TMPRSS11E: variants seen among roughly 807,000 people sequenced by gnomAD.
TMPRSS11E encodes transmembrane serine protease 11E, also known as transmembrane protease serine 11E.
TMPRSS11E carries 38 observed loss-of-function variants against 48.1 expected under a neutral mutation model. The observed-to-expected ratio is 0.79, with a 90% CI of 0.61 to 1.04. TMPRSS11E has a LOEUF of 1.04. Ranked by LOEUF, TMPRSS11E falls within the 50% of genes least tolerant of loss-of-function variation. TMPRSS11E has a pLI of 0.00. For synonymous variants in TMPRSS11E, 158 were observed against 171.9 expected (o/e 0.92, Z 0.63); for missense variants, 530 against 510.8 (o/e 1.04, Z -0.36).
chr4:68,468,620 C>T (rs1348036783), intron 3 of TMPRSS11E, among the ~76,000 whole-genome samples: 4 of 152,076 alleles, frequency 2.6e-5, no homozygotes, highest in Admixed American at 2.6e-4. Context: ...TCTTTGGTCT[C>T]TTTCTGAGCA....
In TMPRSS11E at chr4:68,496,871, A is replaced by C. The variant is rs1026864460; in HGVS notation, c.*67A>C. 25 of 1,478,056 alleles carry C rather than the reference A, an allele frequency of 1.7e-5. No homozygotes were observed. The highest frequency in any genetic ancestry group is 2.2e-5 in the Non-Finnish European group (24 of 1,090,286). 91.6% of individuals were successfully genotyped at this position (1,478,056 alleles called of 1,614,324 possible). A position where few individuals can be genotyped will look rare whatever the true frequency, so the allele number is the denominator to read the frequency against. On this transcript the variant is annotated 3_prime_UTR_variant, in exon 10 of 10. Coordinates refer to ENST00000305363, the MANE Select transcript of TMPRSS11E (RefSeq NM_014058.4). ...TTTTGGGTGTGGAGGCCATTTTTAG[A>C]GATACAGAATTGGAGAAGACTTGCA... is the stretch of plus-strand genomic sequence containing the variant.
At chr4:68,490,112 C>G (rs144260565) in intron 9 of TMPRSS11E, among the ~76,000 whole-genome samples, 1 of 152,172 alleles carries the variant, frequency 6.6e-6, no homozygotes, top group Non-Finnish European at 1.5e-5. Flanking sequence ...TCCCCAGGAG[C>G]CTCTCCAGGC....
chr4:68,483,532 G>A (rs1729468508), intron 9 of TMPRSS11E, among the ~76,000 whole-genome samples: 1 of 151,262 alleles, frequency 6.6e-6, no homozygotes, highest in South Asian at 2.2e-4. Context: ...CTGGATATTA[G>A]ACCTTTGTCA....
intron 9 of TMPRSS11E, among the ~76,000 whole-genome samples, chr4:68,486,117 T>C (rs1729544950): frequency 6.6e-6 from 1 of 152,154 alleles, no homozygotes; most frequent in Admixed American, 6.5e-5. Context: ...ATCTTTTATA[T>C]GGATTTTTGT....
chr4:68,460,771 C>A (rs1728766926), intron 1 of TMPRSS11E, among the ~76,000 whole-genome samples: 1 of 152,092 alleles, frequency 6.6e-6, no homozygotes, highest in African/African-American at 2.4e-5. Flanking sequence ...GGGACAGCAA[C>A]TTTACCAATC....
intron 9 of TMPRSS11E, among the ~76,000 whole-genome samples, chr4:68,481,324 A>T (rs1399166729): frequency 1.3e-5 from 2 of 152,156 alleles, no homozygotes; most frequent in Non-Finnish European, 2.9e-5. Flanking sequence ...ATACCCAGTA[A>T]TGGGATTGCT....
Position 68,484,977 on chromosome 4 carries a change from G to C in TMPRSS11E, c.1110+5986G>C, listed in dbSNP as rs532643460. ...CTAATTGCTTTGGTCAAAACTTCCA[G>C]TACTATGTTGAATAACAGTAGTGAG... On this transcript the variant is annotated intron_variant, in intron 9 of 9. Transcript: ENST00000305363. Among the ~76,000 whole-genome samples the C allele has an allele frequency of 2.0e-5, 3 of 152,178 alleles. No individual in the cohort carries two copies. In the East Asian group the frequency reaches 5.8e-4, roughly 29 times the overall value.
rs2109681328 is a variant in TMPRSS11E, at chr4:68,466,770, T to C, written c.258+18T>C. On this transcript the variant is annotated intron_variant, in intron 3 of 9. Coordinates refer to ENST00000305363, the MANE Select transcript of TMPRSS11E (RefSeq NM_014058.4). ...AATCAATGGTAAGCAACTTGTCATC[T>C]ACTTCTAGTGCATTTGCTTTCACTT... is the stretch of plus-strand genomic sequence containing the variant. 1 of 1,613,148 alleles carries C rather than the reference T, an allele frequency of 6.2e-7. No homozygotes were observed.
At chr4:68,447,650 G>T in intron 1 of TMPRSS11E, 127 bp downstream of exon 1, 1 of 728,666 alleles carries the variant, frequency 1.4e-6, no homozygotes, top group Non-Finnish European at 2.2e-6. Flanking sequence ...ACATATTTTT[G>T]AGATTTTACA....
chr4:68,495,913 G>A (rs1729853087), intron 9 of TMPRSS11E, among the ~76,000 whole-genome samples: 1 of 152,084 alleles, frequency 6.6e-6, no homozygotes, highest in Non-Finnish European at 1.5e-5. Flanking sequence ...TTAATGGGTG[G>A]TCAATAATTA....
rs1258670569 is a variant in TMPRSS11E at position 68,471,553 on chromosome 4, T to A, written c.420T>A (p.Leu140=). 21 of 1,611,348 alleles carry A rather than the reference T, an allele frequency of 1.3e-5. No individual in the cohort carries two copies. The highest frequency in any genetic ancestry group is 1.8e-5 in the Non-Finnish European group (21 of 1,178,700). Residue 140 remains leucine (L), a synonymous_variant, in exon 5 of 10, where the codon CTT becomes CTA. Transcript: ENST00000305363. ...AAACTGTAGATAAAATTGTTCAACTTGTTTTACATGAAAAGCTGCAAGATG... is the reference window on the plus strand; with the variant it reads ...AAACTGTAGATAAAATTGTTCAACTAGTTTTACATGAAAAGCTGCAAGATG... ...DPETVDKIVQ[L]VLHEKLQDAV...
intron 9 of TMPRSS11E, among the ~76,000 whole-genome samples, chr4:68,482,058 C>A (rs578203442): frequency 6.6e-6 from 1 of 152,280 alleles, no homozygotes; most frequent in East Asian, 1.9e-4. Flanking sequence ...CAGCATGGTG[C>A]TGGCATCTGC....
At chr4:68,461,128 G>A (rs536180261) in intron 1 of TMPRSS11E, among the ~76,000 whole-genome samples, 9 of 152,092 alleles carry the variant, frequency 5.9e-5, no homozygotes, top group Admixed American at 5.9e-4. Context: ...TGATCCGCCC[G>A]CCTCGGCCTC....
chr4:68,487,254 ATT>A (rs201990198), intron 9 of TMPRSS11E, among the ~76,000 whole-genome samples: 78 of 145,188 alleles, frequency 5.4e-4, no homozygotes, highest in African/African-American at 7.6e-4. Flanking sequence ...GGTGTCAGGA[ATT>A]TTTTTTTTTT....
rs180687656 is a variant in TMPRSS11E at position 68,489,842 on chromosome 4, G to A, written c.1111-6801G>A. Among the ~76,000 whole-genome samples the A allele has an allele frequency of 3.1e-3, 466 of 152,324 alleles. 2 individuals carry two copies. Among genetic ancestry groups the A allele is most frequent in the South Asian group, 0.017 (83 of 4,830 alleles). On this transcript the variant is annotated intron_variant, in intron 9 of 9. Transcript: ENST00000305363. ...AGCAAGAGAGCCCTGTGATGTCCAG[G>A]TCTGTCCATCAACAAAGGCGAAAGC...
intron 9 of TMPRSS11E, among the ~76,000 whole-genome samples, chr4:68,485,477 C>G (rs767469392): frequency 6.6e-6 from 1 of 152,096 alleles, no homozygotes; most frequent in African/African-American, 2.4e-5. Context: ...GTTGAACCAG[C>G]CTTGCATCCT....
chr4:68,494,103 G>A (rs34728672), intron 9 of TMPRSS11E, among the ~76,000 whole-genome samples: 76,658 of 151,808 alleles, frequency 0.5, 21,662 homozygotes, highest in Non-Finnish European at 0.65. Context: ...CTCAGATAAA[G>A]TTTTTATCTG....
chr4:68,479,101 C>T (rs1729330027), intron 9 of TMPRSS11E, 110 bp downstream of exon 9: 1 of 1,281,836 alleles, frequency 7.8e-7, no homozygotes, highest in Non-Finnish European at 1.1e-6. Context: ...GTCACAACAT[C>T]TCACCCAGTT....
At chr4:68,449,494 C>T (rs111301957) in intron 1 of TMPRSS11E, among the ~76,000 whole-genome samples, 1 of 151,528 alleles carries the variant, frequency 6.6e-6, no homozygotes, top group African/African-American at 2.4e-5. Flanking sequence ...ATTCAAATGA[C>T]ACAAAATGGA....
Sources: gnomAD v4.1 joint callset for allele counts (sites outside exome capture counted in the v4.1 genomes callset) on GRCh38, gnomAD v4.1.1 for gene constraint, MANE v1.5 for transcripts, NCBI Gene and HGNC (gene_info 2026-07-23, HGNC 2026-07-21) for gene names.